KIT: variants seen among roughly 807,000 people sequenced by gnomAD.
The protein encoded by KIT is KIT proto-oncogene, receptor tyrosine kinase.
In KIT, 16 loss-of-function variants were observed where a neutral mutation model predicts 105.7. The ratio of observed to expected loss-of-function variants is 0.15; its 90% CI spans 0.10 to 0.23. The LOEUF is 0.23. Among genes scored for constraint, KIT ranks in the 10% least tolerant of loss-of-function variants. The pLI, the probability that KIT is intolerant of heterozygous loss-of-function variation, is 1.00. For synonymous variants in KIT, 438 were observed against 441.1 expected, an observed-to-expected ratio of 0.99 and a Z score of 0.09; for missense variants, 858 against 1,213.8, an observed-to-expected ratio of 0.71 and a Z score of 4.36.
At chr4:54,723,495 G>A in intron 7 of KIT, 89 bp from the exon 8 acceptor site, 1 of 844,354 alleles carries the variant, frequency 1.2e-6, no homozygotes, top group African/African-American at 1.7e-5. Context: ...GCAGCCTCAG[G>A]AAGGTTGTAG....
intron 1 of KIT, among the ~76,000 whole-genome samples, chr4:54,668,010 T>C (rs1476580561): frequency 3.3e-5 from 5 of 152,228 alleles, no homozygotes; most frequent in African/African-American, 1.2e-4. Flanking sequence ...ATTTGCTTAT[T>C]AACATATTTT....
intron 1 of KIT, among the ~76,000 whole-genome samples, chr4:54,671,756 C>T (rs1163085711): frequency 6.6e-6 from 1 of 152,084 alleles, no homozygotes; most frequent in Non-Finnish European, 1.5e-5. Flanking sequence ...TATGAAAGAA[C>T]TGAACTTTAA....
intron 9 of KIT, among the ~76,000 whole-genome samples, chr4:54,726,961 A>G (rs1722259079): frequency 1.3e-5 from 2 of 152,214 alleles, no homozygotes; most frequent in South Asian, 4.1e-4. Context: ...TTTTCATTGA[A>G]AAACAGCATA....
intron 15 of KIT, 94 bp downstream of exon 15, chr4:54,731,513 G>C (rs1722597970): frequency 2.2e-6 from 2 of 912,192 alleles, no homozygotes; most frequent in Non-Finnish European, 1.8e-6. Context: ...CAGTAGCAAT[G>C]ATGCAGACCA....
rs55800200 is a variant in KIT at position 54,678,290 on chromosome 4, C to CTCCT, written c.68-17162_68-17159dup. ...TTCAATGCATTCCATGGCTGGCTCG[C>CTCCT]TCCTTCCTTCCTTCCTTCCTTCCTT... On this transcript the variant is annotated intron_variant, in intron 1 of 20. Transcript: ENST00000288135. Among the ~76,000 whole-genome samples, 753 of 101,608 alleles carry CTCCT rather than the reference C, an allele frequency of 7.4e-3. 15 individuals carry two copies. Among genetic ancestry groups the CTCCT allele is most frequent in the East Asian group, 0.013 (40 of 3,074 alleles). 66.7% of individuals were successfully genotyped at this position (101,608 alleles called of 152,430 possible). A position where few individuals can be genotyped will look rare whatever the true frequency, so the allele number is the denominator to read the frequency against.
rs551217608 is a variant in KIT at position 54,664,004 on chromosome 4, A to C, written c.67+5923A>C. ...GGGCAAGAGCACAGCCCCTGATTCG[A>C]AGTAGAATTTGGTTTTCTTAAGTGT... is the stretch of plus-strand genomic sequence containing the variant. On this transcript the variant is annotated intron_variant, in intron 1 of 20. Coordinates refer to ENST00000288135, the MANE Select transcript of KIT (RefSeq NM_000222.3). Among the ~76,000 whole-genome samples the C allele has an allele frequency of 2.0e-5, 3 of 152,160 alleles. No homozygotes were observed. The South Asian group carries it at 6.2e-4, about 32-fold the overall frequency.
chr4:54,737,280 T>G lies in KIT; in HGVS notation c.2802T>G (p.His934Gln), dbSNP rs764592751. 1 of 1,592,376 alleles carries G rather than the reference T, an allele frequency of 6.3e-7. No individual in the cohort carries two copies. The highest frequency in any genetic ancestry group is 8.6e-7 in the Non-Finnish European group (1 of 1,160,280). The part of the protein sequence containing the change: ...IEKQISESTN[H>Q]IYSNLANCSP... ...AGCAGATTTCAGAGAGCACCAATCATGTGAGTATACCCTGGCCAGGCATAG... is the reference window on the plus strand; with the variant it reads ...AGCAGATTTCAGAGAGCACCAATCAGGTGAGTATACCCTGGCCAGGCATAG... Residue 934 changes from histidine to glutamine, a missense_variant and splice_region_variant, in exon 20 of 21, where the codon CAT (histidine) becomes CAG (glutamine). Physicochemically the swap from His to Gln is conservative, Grantham distance 24 (BLOSUM62 0). Transcript: ENST00000288135.
chr4:54,662,436 T>C (rs57935475), intron 1 of KIT, among the ~76,000 whole-genome samples: 1 of 152,246 alleles, frequency 6.6e-6, no homozygotes, highest in Admixed American at 6.5e-5. Context: ...TGTAAAACTT[T>C]TAGAGTGGTG....
chr4:54,678,918 A>G (rs1718708985), intron 1 of KIT, among the ~76,000 whole-genome samples: 1 of 152,152 alleles, frequency 6.6e-6, no homozygotes, highest in African/African-American at 2.4e-5. Flanking sequence ...ACCATTTGAG[A>G]GTAAGTTGCT....
chr4:54,691,298 C>G (rs927366532), intron 1 of KIT, among the ~76,000 whole-genome samples: 2 of 152,038 alleles, frequency 1.3e-5, no homozygotes, highest in Non-Finnish European at 2.9e-5. Flanking sequence ...GATCTAAGAC[C>G]TTGGAGTGGA....
At chr4:54,676,545 T>C (rs1474922899) in intron 1 of KIT, among the ~76,000 whole-genome samples, 3 of 152,042 alleles carry the variant, frequency 2.0e-5, no homozygotes, top group African/African-American at 7.2e-5. Context: ...ACAACTGGAG[T>C]ACCATGGGAC....
intron 7 of KIT, among the ~76,000 whole-genome samples, chr4:54,717,116 C>T (rs1721551022): frequency 6.6e-6 from 1 of 152,102 alleles, no homozygotes; most frequent in African/African-American, 2.4e-5. Context: ...TTTGATGTGA[C>T]ACTCTAATAT....
rs992375648 is a variant in KIT, at chr4:54,732,129, A to G, written c.2361+131A>G. On this transcript the variant is annotated intron_variant, in intron 16 of 20. Coordinates refer to ENST00000288135, the MANE Select transcript of KIT (RefSeq NM_000222.3). Reference sequence around the variant, plus strand: ...GCAGAATGTCATTTTGAAGTGTGGTAACCAAAAGCAGAGGAAATTTAGTTT... The same window carrying G: ...GCAGAATGTCATTTTGAAGTGTGGTGACCAAAAGCAGAGGAAATTTAGTTT... 10 of 1,041,692 alleles carry G rather than the reference A, an allele frequency of 9.6e-6. No individual in the cohort carries two copies. The Admixed American group carries it at 2.8e-4, about 29-fold the overall frequency. The allele number at this position is 1,041,692 out of a possible 1,614,324, so 64.5% of individuals were successfully genotyped here. A position where few individuals can be genotyped will look rare whatever the true frequency, so the allele number is the denominator to read the frequency against.
At chr4:54,732,043 T>C (rs777301440) in intron 16 of KIT, 45 bp downstream of exon 16, 1 of 1,539,838 alleles carries the variant, frequency 6.5e-7, no homozygotes, top group Non-Finnish European at 8.8e-7. Context: ...TTTGTTTTTT[T>C]GATTTTTTTT....
intron 1 of KIT, among the ~76,000 whole-genome samples, chr4:54,674,536 C>A (rs943814774): frequency 5.3e-5 from 8 of 152,164 alleles, no homozygotes; most frequent in African/African-American, 1.9e-4. Context: ...GCTGCCACCA[C>A]CATCTTCCCA....
At chr4:54,676,661 T>C (rs1718494909) in intron 1 of KIT, among the ~76,000 whole-genome samples, 1 of 152,130 alleles carries the variant, frequency 6.6e-6, no homozygotes, top group African/African-American at 2.4e-5. Context: ...GATTAAAACC[T>C]GTCAGAGACT....
intron 1 of KIT, among the ~76,000 whole-genome samples, chr4:54,669,076 G>A (rs1717910941): frequency 6.6e-6 from 1 of 152,106 alleles, no homozygotes; most frequent in Admixed American, 6.5e-5. Flanking sequence ...AATATGTTAG[G>A]ATAGCTAATG....
rs1722286152 is a variant in KIT at position 54,727,286 on chromosome 4, T to A, written c.1609T>A (p.Cys537Ser). Residue 537 changes from cysteine to serine, a missense_variant, in exon 10 of 21, where the codon TGC becomes AGC. This residue lies in a region of KIT where 78 missense variants were observed against 77.6 expected (regional missense o/e 1.01). Coordinates refer to ENST00000288135, the MANE Select transcript of KIT (RefSeq NM_000222.3). ...IGFVIVAGMM[C>S]IIVMILTYKY... ...TTTCGTAATCGTAGCTGGCATGATG[T>A]GCATTATTGTGATGATTCTGACCTA... 1 of 1,614,056 alleles carries A rather than the reference T, an allele frequency of 6.2e-7. No homozygotes were observed. The highest frequency in any genetic ancestry group is 1.3e-5 in the African/African-American group (1 of 74,942).
intron 1 of KIT, among the ~76,000 whole-genome samples, chr4:54,664,204 A>G (rs887663407): frequency 1.3e-5 from 2 of 152,174 alleles, no homozygotes; most frequent in Admixed American, 1.3e-4. Flanking sequence ...ACTACAGTAC[A>G]AGGAACAAGG....
Sources: gnomAD v4.1 joint callset for allele counts (sites outside exome capture counted in the v4.1 genomes callset) on GRCh38, gnomAD v4.1.1 for gene constraint, gnomAD v4.1.1 regional missense constraint, MANE v1.5 for transcripts, NCBI Gene and HGNC (gene_info 2026-07-23, HGNC 2026-07-21) for gene names.